MAP3K5: variants seen among roughly 807,000 people sequenced by gnomAD.
MAP3K5 encodes mitogen-activated protein kinase kinase kinase 5, also known as ASK-1.
A neutral mutation model predicts 158.7 loss-of-function variants in MAP3K5; 56 were observed. The observed-to-expected ratio is 0.35, with a 90% CI of 0.28 to 0.44. MAP3K5 has a LOEUF of 0.44. Among genes scored for constraint, MAP3K5 ranks in the 20% least tolerant of loss-of-function variants. The pLI is 1.00. For synonymous variants in MAP3K5, 579 were observed against 601.7 expected, an observed-to-expected ratio of 0.96 and a Z score of 0.55; for missense variants, 1,294 against 1,674.8, an observed-to-expected ratio of 0.77 and a Z score of 3.97.
At chr6:136,749,590 G>T (rs1783106049) in intron 1 of MAP3K5, among the ~76,000 whole-genome samples, 1 of 151,508 alleles carries the variant, frequency 6.6e-6, no homozygotes, top group East Asian at 1.9e-4. Context: ...TCAAAAGGGA[G>T]GGCTCAAACA....
intron 1 of MAP3K5, among the ~76,000 whole-genome samples, chr6:136,763,591 A>G (rs1783844069): frequency 6.6e-6 from 1 of 152,166 alleles, no homozygotes; most frequent in South Asian, 2.1e-4. Context: ...GGTACCTTCT[A>G]TTTTGAATTT....
intron 16 of MAP3K5, 86 bp downstream of exon 16, chr6:136,614,073 C>T: frequency 6.9e-7 from 1 of 1,452,512 alleles, no homozygotes; most frequent in Non-Finnish European, 9.4e-7. Context: ...CAGATTAAGA[C>T]CTGTACGCTA....
At chr6:136,658,550 A>G (rs1583361957) in intron 9 of MAP3K5, among the ~76,000 whole-genome samples, 9 of 152,010 alleles carry the variant, frequency 5.9e-5, no homozygotes, top group Admixed American at 3.9e-4. Context: ...CCTAACCTCA[A>G]GTGATCTGTC....
At chr6:136,558,759 T>C (rs761816967) in intron 29 of MAP3K5, 41 bp downstream of exon 29, 32 of 1,260,294 alleles carry the variant, frequency 2.5e-5, no homozygotes, top group Non-Finnish European at 3.6e-5. Flanking sequence ...GATATTTGCC[T>C]GGTGCTCTTT....
At chr6:136,739,092 T>C (rs1252007094) in intron 1 of MAP3K5, among the ~76,000 whole-genome samples, 1 of 152,158 alleles carries the variant, frequency 6.6e-6, no homozygotes, top group African/African-American at 2.4e-5. Flanking sequence ...ACAGGGCATT[T>C]TGAACAGTAC....
intron 1 of MAP3K5, among the ~76,000 whole-genome samples, chr6:136,751,200 C>T (rs912022866): frequency 2.7e-5 from 4 of 146,306 alleles, no homozygotes; most frequent in African/African-American, 1.0e-4. Context: ...TTTATTAGGT[C>T]ATCAGAAGGC....
chr6:136,709,449 T>C lies in MAP3K5; in HGVS notation c.589-4316A>G, dbSNP rs560956985. ...CCTAAAGGGCTCTCATAGTCAGTCTTGTCCTTGTGCTGCTAGAAGGAGAGA... is the reference window on the plus strand; with the variant it reads ...CCTAAAGGGCTCTCATAGTCAGTCTCGTCCTTGTGCTGCTAGAAGGAGAGA... On this transcript the variant is annotated intron_variant, in intron 2 of 29. Transcript: ENST00000359015. Among the ~76,000 whole-genome samples, 30 of 152,216 alleles carry C rather than the reference T, an allele frequency of 2.0e-4. No individual in the cohort carries two copies. The South Asian group carries it at 6.2e-3, about 32-fold the overall frequency.
At chr6:136,770,087 TC>T (rs1429926909) in intron 1 of MAP3K5, among the ~76,000 whole-genome samples, 3 of 152,174 alleles carry the variant, frequency 2.0e-5, no homozygotes, top group Admixed American at 6.5e-5. Flanking sequence ...AAAATAGGTT[TC>T]AAAATATTTG....
At chr6:136,674,087 G>C (rs1200979481) in intron 7 of MAP3K5, among the ~76,000 whole-genome samples, 2 of 151,676 alleles carry the variant, frequency 1.3e-5, no homozygotes, top group East Asian at 1.9e-4. Flanking sequence ...AACTATGGAA[G>C]CCAGAATACA....
chr6:136,652,253 C>T (rs112894493), intron 10 of MAP3K5, among the ~76,000 whole-genome samples: 4 of 152,054 alleles, frequency 2.6e-5, no homozygotes, highest in African/African-American at 9.7e-5. Context: ...GTACAGGGAA[C>T]TAGAGAAAGG....
At chr6:136,561,268 T>G (rs1830498310) in intron 28 of MAP3K5, among the ~76,000 whole-genome samples, 1 of 152,120 alleles carries the variant, frequency 6.6e-6, no homozygotes, top group Non-Finnish European at 1.5e-5. Context: ...TTCATTCCCT[T>G]CTCCAACAAC....
intron 13 of MAP3K5, among the ~76,000 whole-genome samples, chr6:136,638,051 G>A (rs1167450451): frequency 1.3e-5 from 2 of 152,134 alleles, no homozygotes; most frequent in Non-Finnish European, 2.9e-5. Context: ...GAGTTCATAT[G>A]TGGTATCAAC....
intron 1 of MAP3K5, among the ~76,000 whole-genome samples, chr6:136,766,112 A>G (rs1783957278): frequency 6.6e-6 from 1 of 152,238 alleles, no homozygotes. Flanking sequence ...GGTACAGCAT[A>G]AAACCATGGA....
chr6:136,733,069 G>A (rs1046405302), intron 1 of MAP3K5, among the ~76,000 whole-genome samples: 4 of 152,078 alleles, frequency 2.6e-5, no homozygotes, highest in Non-Finnish European at 4.4e-5. Context: ...GCATAATCAC[G>A]GCTCACTGCA....
chr6:136,731,994 GA>G (rs550708877), intron 1 of MAP3K5, among the ~76,000 whole-genome samples: 111 of 152,072 alleles, frequency 7.3e-4, no homozygotes, highest in African/African-American at 2.2e-3. Context: ...GCTGAAAGAA[GA>G]AAAAAAGAGA....
chr6:136,759,293 G>C (rs903074145), intron 1 of MAP3K5, among the ~76,000 whole-genome samples: 11 of 151,604 alleles, frequency 7.3e-5, no homozygotes, highest in Middle Eastern at 6.4e-3. Flanking sequence ...GAACAATACA[G>C]GCAAAGACGA....
At chr6:136,649,283 T>C (rs1035093186) in intron 11 of MAP3K5, among the ~76,000 whole-genome samples, 1 of 152,218 alleles carries the variant, frequency 6.6e-6, no homozygotes, top group African/African-American at 2.4e-5. Context: ...ATCTGCCATT[T>C]AATTAAACCA....
chr6:136,709,873 A>G (rs978694015), intron 2 of MAP3K5, among the ~76,000 whole-genome samples: 2 of 152,162 alleles, frequency 1.3e-5, no homozygotes, highest in East Asian at 1.9e-4. Context: ...TCGAGGCCAC[A>G]GTGAGCTATG....
chr6:136,642,052 A>AAAT (rs1449706156), intron 12 of MAP3K5, among the ~76,000 whole-genome samples: 2 of 138,186 alleles, frequency 1.4e-5, no homozygotes, highest in African/African-American at 6.1e-5. Context: ...AAATAAAATA[A>AAAT]AATAAAATAA....
Sources: allele counts gnomAD v4.1 joint callset (sites outside exome capture counted in the v4.1 genomes callset), GRCh38; gene constraint gnomAD v4.1.1; transcripts MANE v1.5; gene names NCBI Gene and HGNC (gene_info 2026-07-23, HGNC 2026-07-21).